HDAC8: variants seen among roughly 807,000 people sequenced by gnomAD.
HDAC8 encodes the protein histone deacetylase-like 1.
In HDAC8, 1 loss-of-function variant was observed where a neutral mutation model predicts 32.2. The ratio of observed to expected loss-of-function variants is 0.03; its 90% confidence interval spans 0.01 to 0.15. HDAC8 has a LOEUF of 0.15. HDAC8 is among the 10% of genes least tolerant of loss of function. The pLI, the probability that HDAC8 is intolerant of heterozygous loss-of-function variation, is 1.00. For synonymous variants in HDAC8, 108 were observed against 113.9 expected (o/e 0.95, Z 0.33); for missense variants, 117 against 300.0 (o/e 0.39, Z 4.51).
intron 4 of HDAC8, among the ~76,000 whole-genome samples, chrX:72,536,327 C>T (rs1287654469): frequency 1.8e-5 from 2 of 111,929 alleles, no homozygotes; most frequent in South Asian, 3.7e-4. Context: ...TGATAGAAAC[C>T]GGGGTAGAAA....
At chrX:72,559,718 C>T (rs782160943) in intron 4 of HDAC8, among the ~76,000 whole-genome samples, 19 of 108,544 alleles carry the variant, frequency 1.8e-4, no homozygotes, top group East Asian at 1.2e-3. Context: ...TCTGCCCAGC[C>T]GGGACCCCAT....
rs782048506 is a variant in HDAC8 at position 72,495,207 on chromosome X, G to T, written c.499C>A (p.Arg167=). The change falls in exon 5 of 11, where the codon CGG becomes AGG. Residue 167 remains arginine (R), a synonymous_variant. Coordinates refer to ENST00000373573, the MANE Select transcript of HDAC8 (RefSeq NM_018486.3). The part of the protein sequence containing the change: ...DAVLGILRLR[R]KFERILYVDL... ...ACGTAGAGAATACGCTCAAATTTCC[G>T]TCGCAATCGTAATATTCCCAGGACA... is the stretch of plus-strand genomic sequence containing the variant. The T allele has an allele frequency of 8.3e-7, 1 of 1,208,398 alleles. No individual in the cohort carries two copies. Among genetic ancestry groups the T allele is most frequent in the Non-Finnish European group, 1.1e-6 (1 of 893,284 alleles).
chrX:72,507,378 CA>C, intron 4 of HDAC8, among the ~76,000 whole-genome samples: 1 of 111,739 alleles, frequency 8.9e-6, no homozygotes, highest in African/African-American at 3.3e-5. Flanking sequence ...TTGTTTTAAA[CA>C]AAAGAGAGAA....
At chrX:72,407,487 G>T (rs1255448484) in intron 9 of HDAC8, among the ~76,000 whole-genome samples, 1 of 111,697 alleles carries the variant, frequency 9.0e-6, no homozygotes, top group African/African-American at 3.3e-5. Flanking sequence ...AATTGTCTGT[G>T]AGCCTAATCT....
intron 9 of HDAC8, among the ~76,000 whole-genome samples, chrX:72,417,619 T>C (rs929311345): frequency 8.9e-6 from 1 of 112,052 alleles, no homozygotes; most frequent in East Asian, 2.8e-4. Flanking sequence ...GAAGACTCAA[T>C]ATTTTTAAAA....
chrX:72,564,821 T>A (rs1237908981), intron 4 of HDAC8, among the ~76,000 whole-genome samples: 1 of 112,454 alleles, frequency 8.9e-6, no homozygotes, highest in Non-Finnish European at 1.9e-5. Context: ...ATGCTTAATA[T>A]CTAATAGTAT....
At chrX:72,426,866 G>A (rs1007199707) in intron 9 of HDAC8, among the ~76,000 whole-genome samples, 1 of 109,781 alleles carries the variant, frequency 9.1e-6, no homozygotes, top group Non-Finnish European at 1.9e-5. Context: ...ATGGGGGTGG[G>A]GTCCTAATTT....
At chrX:72,461,975 A>G (rs1555991859) in intron 9 of HDAC8, 29 bp downstream of exon 9, 1 of 1,089,365 alleles carries the variant, frequency 9.2e-7, no homozygotes, top group Admixed American at 2.2e-5. Flanking sequence ...CCCCTTAAAG[A>G]AGAGAGGACT....
At chrX:72,485,750 G>A (rs1556005381) in intron 7 of HDAC8, among the ~76,000 whole-genome samples, 1 of 112,043 alleles carries the variant, frequency 8.9e-6, no homozygotes, top group Admixed American at 9.4e-5. Flanking sequence ...CATCTTATAA[G>A]TGAACCAGCA....
chrX:72,369,043 C>T (rs2044787860), intron 9 of HDAC8, among the ~76,000 whole-genome samples: 1 of 111,261 alleles, frequency 9.0e-6, no homozygotes, highest in Non-Finnish European at 1.9e-5. Flanking sequence ...GTAGGGTGAC[C>T]TCGTCCAGGC....
chrX:72,474,625 C>G, intron 7 of HDAC8: 1 of 1,188,854 alleles, frequency 8.4e-7, no homozygotes, highest in Non-Finnish European at 1.1e-6. Context: ...AAACCTGATC[C>G]TTCAGTATTC....
intron 4 of HDAC8, among the ~76,000 whole-genome samples, chrX:72,552,582 C>A (rs2051115545): frequency 1.8e-5 from 2 of 108,444 alleles, no homozygotes. Context: ...CCATTACACT[C>A]CAGCCTGGGC....
At chrX:72,463,614 A>G (rs926371011) in intron 8 of HDAC8, among the ~76,000 whole-genome samples, 1 of 111,913 alleles carries the variant, frequency 8.9e-6, no homozygotes. Context: ...TGAAGTTAAT[A>G]TATTTCTTGC....
At chrX:72,457,168 A>AG (rs1420359120) in intron 9 of HDAC8, among the ~76,000 whole-genome samples, 1 of 111,730 alleles carries the variant, frequency 9.0e-6, no homozygotes, top group Non-Finnish European at 1.9e-5. Flanking sequence ...CTCATTTGTG[A>AG]GAAAAAAAAA....
At chrX:72,473,955 C>T in intron 7 of HDAC8, 1 of 687,767 alleles carries the variant, frequency 1.5e-6, no homozygotes, top group Non-Finnish European at 1.7e-6. Context: ...ATGCACTTTA[C>T]AGTCCAGCCA....
At chrX:72,390,583 G>C (rs188054867) in intron 9 of HDAC8, among the ~76,000 whole-genome samples, 27 of 112,038 alleles carry the variant, frequency 2.4e-4, no homozygotes, top group Admixed American at 6.6e-4. Context: ...TCACAGTGTA[G>C]CTCAGAGGAT....
chrX:72,347,097 T>C (rs2044051562), intron 10 of HDAC8, among the ~76,000 whole-genome samples: 1 of 112,019 alleles, frequency 8.9e-6, no homozygotes, highest in Non-Finnish European at 1.9e-5. Flanking sequence ...TGGCACACAG[T>C]AGGTCCTCAG....
At chrX:72,526,653 CCA>C (rs1324298615) in intron 4 of HDAC8, among the ~76,000 whole-genome samples, 1 of 111,206 alleles carries the variant, frequency 9.0e-6, no homozygotes, top group Non-Finnish European at 1.9e-5. Context: ...CTGCTGCACT[CCA>C]CTCTTATGAT....
chrX:72,567,733 T>G, intron 4 of HDAC8, 156 bp downstream of exon 4: 3 of 1,210,149 alleles, frequency 2.5e-6, no homozygotes, highest in Non-Finnish European at 3.4e-6. Context: ...TAGGTAATCT[T>G]TTTTCTATTT....
Sources: allele counts gnomAD v4.1 joint callset (sites outside exome capture counted in the v4.1 genomes callset), GRCh38; gene constraint gnomAD v4.1.1; transcripts MANE v1.5; gene names NCBI Gene and HGNC (gene_info 2026-07-23, HGNC 2026-07-21).